TEX48: variants seen among roughly 807,000 people sequenced by gnomAD.
The protein encoded by TEX48 is testis-expressed protein 48.
TEX48 carries 10 observed loss-of-function variants against 13.2 expected under a neutral mutation model. The observed-to-expected ratio is 0.75, with a 90% CI of 0.47 to 1.28. The LOEUF is 1.28. TEX48 is among the 50% of genes most tolerant of loss of function. TEX48 has a pLI of 0.00. For missense variants in TEX48, 116 were observed against 139.4 expected (o/e 0.83, Z 0.84); for synonymous variants, 45 against 52.3 (o/e 0.86, Z 0.60).
At chr9:114,667,466 C>T (rs1176664997) in intron 4 of TEX48, among the ~76,000 whole-genome samples, 1 of 152,230 alleles carries the variant, frequency 6.6e-6, no homozygotes, top group Non-Finnish European at 1.5e-5. Flanking sequence ...CAAGTGTTTT[C>T]TGGCATTGTT....
intron 1 of TEX48, among the ~76,000 whole-genome samples, chr9:114,672,320 T>C (rs1285709739): frequency 1.3e-5 from 2 of 152,184 alleles, no homozygotes; most frequent in African/African-American, 4.8e-5. Flanking sequence ...TCCTCGTCAG[T>C]AGTAAGAAGT....
intron 1 of TEX48, among the ~76,000 whole-genome samples, chr9:114,675,394 T>C (rs1320776575): frequency 1.3e-5 from 2 of 152,226 alleles, no homozygotes; most frequent in Non-Finnish European, 2.9e-5. Flanking sequence ...AAAGCATATC[T>C]ATCTTCTTCC....
intron 1 of TEX48, among the ~76,000 whole-genome samples, chr9:114,674,037 C>T (rs1828002870): frequency 6.6e-6 from 1 of 152,104 alleles, no homozygotes; most frequent in Non-Finnish European, 1.5e-5. Context: ...AACTCCTGGG[C>T]TCAAGTGATC....
At chr9:114,671,563 A>T in intron 2 of TEX48, 58 bp from the exon 3 acceptor site, 7 of 1,532,296 alleles carry the variant, frequency 4.6e-6, no homozygotes, top group Non-Finnish European at 5.2e-6. Context: ...CCAGATGCCT[A>T]TTGGAAATTG....
At chr9:114,679,362 G>C (rs1184852782) in intron 1 of TEX48, among the ~76,000 whole-genome samples, 4 of 151,130 alleles carry the variant, frequency 2.6e-5, no homozygotes, top group Non-Finnish European at 5.9e-5. Flanking sequence ...AGAATTTGGA[G>C]TCTGTGGAGA....
intron 3 of TEX48, among the ~76,000 whole-genome samples, chr9:114,670,837 C>T (rs1411076253): frequency 6.6e-6 from 1 of 152,170 alleles, no homozygotes; most frequent in Non-Finnish European, 1.5e-5. Context: ...AGTGCCTACT[C>T]TGTGCCAGAC....
chr9:114,680,001 A>G (rs958188987), intron 1 of TEX48, among the ~76,000 whole-genome samples: 5 of 152,182 alleles, frequency 3.3e-5, no homozygotes, highest in African/African-American at 4.8e-5. Context: ...ATCTATAGCT[A>G]AGCCCAAAGA....
chr9:114,681,588 C>T (rs909602965), intron 1 of TEX48, among the ~76,000 whole-genome samples: 1 of 152,020 alleles, frequency 6.6e-6, no homozygotes, highest in Non-Finnish European at 1.5e-5. Flanking sequence ...TCTGGTGTGT[C>T]GTAAAGGCTT....
At chr9:114,677,782 A>T (rs16930795) in intron 1 of TEX48, among the ~76,000 whole-genome samples, 10,220 of 151,292 alleles carry the variant, frequency 0.068, 443 homozygotes, top group African/African-American at 0.12. Context: ...TTTAGCTTAT[A>T]TTCGGGAGTC....
At chr9:114,681,468 T>C (rs2133770641) in intron 1 of TEX48, among the ~76,000 whole-genome samples, 1 of 152,316 alleles carries the variant, frequency 6.6e-6, no homozygotes, top group African/African-American at 2.4e-5. Flanking sequence ...ATTTATGACC[T>C]CTTTGAATCT....
chr9:114,678,032 G>A (rs1042019853), intron 1 of TEX48, among the ~76,000 whole-genome samples: 3 of 152,028 alleles, frequency 2.0e-5, no homozygotes, highest in African/African-American at 7.2e-5. Flanking sequence ...GATGACTTAG[G>A]ATTACTGTAG....
At chr9:114,669,096 C>A (rs1827895255) in intron 3 of TEX48, among the ~76,000 whole-genome samples, 1 of 152,088 alleles carries the variant, frequency 6.6e-6, no homozygotes, top group Admixed American at 6.6e-5. Flanking sequence ...TAGCCTCAGC[C>A]TCCCGAAGTG....
Position 114,671,789 on chromosome 9 carries a change from T to C in TEX48, c.-66A>G. 1 of 1,526,200 alleles carries C rather than the reference T, an allele frequency of 6.6e-7. No homozygotes were observed. The highest frequency in any genetic ancestry group is 8.8e-7 in the Non-Finnish European group (1 of 1,138,380). 94.5% of individuals were successfully genotyped at this position (1,526,200 alleles called of 1,614,324 possible). On this transcript the variant is annotated 5_prime_UTR_variant, in exon 2 of 5. Coordinates refer to ENST00000436752, the MANE Select transcript of TEX48 (RefSeq NM_001199233.2). ...AGGGGTGCCTTGTTGAATCAGCCAG[T>C]CTTGAGTTTGAGCCCAGTTCACTGG...
chr9:114,667,905 C>CAAAAAAAAAAA (rs1176250476), intron 4 of TEX48, among the ~76,000 whole-genome samples: 4 of 60,500 alleles, frequency 6.6e-5, no homozygotes, highest in South Asian at 8.5e-4. Context: ...GACTCCATCT[C>CAAAAAAAAAAA]AAAAAAAAAA....
At chr9:114,667,507 G>A (rs1285992528) in intron 4 of TEX48, among the ~76,000 whole-genome samples, 1 of 152,210 alleles carries the variant, frequency 6.6e-6, no homozygotes, top group African/African-American at 2.4e-5. Flanking sequence ...GGATCTGGGG[G>A]CATAACAGGG....
chr9:114,678,082 G>A (rs1828110300), intron 1 of TEX48, among the ~76,000 whole-genome samples: 1 of 152,150 alleles, frequency 6.6e-6, no homozygotes. Context: ...TCAGATTTAA[G>A]AGGAGCTCTA....
chr9:114,677,292 A>ATTT (rs35962652), intron 1 of TEX48, among the ~76,000 whole-genome samples: 16 of 149,096 alleles, frequency 1.1e-4, no homozygotes, highest in Admixed American at 3.3e-4. Flanking sequence ...GTGTCATGGG[A>ATTT]TTTTTTTTTT....
At position 114,671,805 on chromosome 9, in the gene TEX48, A is replaced by G; in HGVS notation, c.-82T>C. 6.8e-7 allele frequency: 1 copy of G among 1,462,244 alleles called. No individual in the cohort carries two copies. The highest frequency in any genetic ancestry group is 9.3e-7 in the Non-Finnish European group (1 of 1,080,110). The allele number at this position is 1,462,244 out of a possible 1,614,324, so 90.6% of individuals were successfully genotyped here. On this transcript the variant is annotated 5_prime_UTR_variant, in exon 2 of 5. Coordinates refer to ENST00000436752, the MANE Select transcript of TEX48 (RefSeq NM_001199233.2). ...ATCAGCCAGTCTTGAGTTTGAGCCCAGTTCACTGGGCTGGGCTGTTTCCTA... is the reference window on the plus strand; with the variant it reads ...ATCAGCCAGTCTTGAGTTTGAGCCCGGTTCACTGGGCTGGGCTGTTTCCTA...
At position 114,678,401 on chromosome 9, in the gene TEX48, T is replaced by G. The variant is rs530737787; in HGVS notation, c.-105+3634A>C. On this transcript the variant is annotated intron_variant, in intron 1 of 4. Transcript: ENST00000436752. Reference sequence around the variant, plus strand: ...GAAGGTAGATCAAGAGAGGCCGAATTTAAACTCTGAGTAAGAGTTGAGTTG... The same window carrying G: ...GAAGGTAGATCAAGAGAGGCCGAATGTAAACTCTGAGTAAGAGTTGAGTTG... Among the ~76,000 whole-genome samples, 14 of 152,318 alleles carry G rather than the reference T, an allele frequency of 9.2e-5. No homozygotes were observed. In the South Asian group the frequency reaches 2.5e-3, roughly 27 times the overall value.
Sources: allele counts gnomAD v4.1 joint callset (sites outside exome capture counted in the v4.1 genomes callset), GRCh38; gene constraint gnomAD v4.1.1; transcripts MANE v1.5; gene names NCBI Gene and HGNC (gene_info 2026-07-23, HGNC 2026-07-21).